LUZP2: variants seen among roughly 807,000 people sequenced by gnomAD.
LUZP2 encodes leucine zipper protein 2.
In LUZP2, 52 loss-of-function variants were observed where a neutral mutation model predicts 51.6. That is an observed-to-expected ratio of 1.01 (90% confidence interval 0.81 to 1.27). The LOEUF is 1.27. Among genes scored for constraint, LUZP2 ranks in the 50% most tolerant of loss-of-function variants. The probability of loss-of-function intolerance (pLI) is 0.00; values close to 1 mark genes in which losing one functional copy is unlikely to be tolerated. For synonymous variants in LUZP2, 154 were observed against 137.3 expected (o/e 1.12, Z -0.85); for missense variants, 436 against 395.4 (o/e 1.10, Z -0.87).
chr11:24,538,891 G>A (rs187386223), intron 1 of LUZP2, among the ~76,000 whole-genome samples: 8 of 151,420 alleles, frequency 5.3e-5, no homozygotes, highest in Admixed American at 2.0e-4. Context: ...AACTCTAAAG[G>A]TTCTCACCTA....
intron 1 of LUZP2, among the ~76,000 whole-genome samples, chr11:24,516,400 TTACAGGGAC>T (rs1470453862): frequency 6.6e-6 from 1 of 152,182 alleles, no homozygotes; most frequent in Non-Finnish European, 1.5e-5. Flanking sequence ...GCCACCCAGG[TTACAGGGAC>T]TCCAGAGAAA....
intron 1 of LUZP2, among the ~76,000 whole-genome samples, chr11:24,580,948 G>GA (rs1365343865): frequency 4.0e-5 from 6 of 151,702 alleles, no homozygotes; most frequent in South Asian, 2.1e-4. Context: ...CCAAGTATAA[G>GA]AAAAAAACTA....
intron 5 of LUZP2, among the ~76,000 whole-genome samples, chr11:24,778,804 G>A (rs887548566): frequency 6.6e-6 from 1 of 152,150 alleles, no homozygotes; most frequent in African/African-American, 2.4e-5. Flanking sequence ...AAAATAAGAG[G>A]TTTGCATAAA....
intron 1 of LUZP2, among the ~76,000 whole-genome samples, chr11:24,541,113 C>G (rs1283804504): frequency 6.6e-6 from 1 of 151,532 alleles, no homozygotes; most frequent in South Asian, 2.1e-4. Flanking sequence ...ATTAGCCGGG[C>G]GTGGTGGTGG....
intron 9 of LUZP2, among the ~76,000 whole-genome samples, chr11:25,045,079 G>A: frequency 8.8e-6 from 1 of 114,090 alleles, no homozygotes; most frequent in African/African-American, 3.3e-5. Context: ...GGAGGGGAGG[G>A]GTAGCATTAG....
chr11:24,635,936 A>G (rs1855089444), intron 1 of LUZP2, among the ~76,000 whole-genome samples: 1 of 152,158 alleles, frequency 6.6e-6, no homozygotes, highest in South Asian at 2.1e-4. Flanking sequence ...GGAACTGGGG[A>G]AAAGTACTGC....
chr11:24,878,100 G>T (rs12806403), intron 5 of LUZP2, among the ~76,000 whole-genome samples: 1,430 of 96,164 alleles, frequency 0.015, 98 homozygotes, highest in East Asian at 0.041. Flanking sequence ...AATATTCTGT[G>T]TTTTTTTTTT....
At chr11:24,540,208 A>T (rs773979327) in intron 1 of LUZP2, among the ~76,000 whole-genome samples, 2 of 152,116 alleles carry the variant, frequency 1.3e-5, no homozygotes, top group Non-Finnish European at 1.5e-5. Flanking sequence ...TCTCTTTACA[A>T]TTACGACTCT....
intron 5 of LUZP2, among the ~76,000 whole-genome samples, chr11:24,805,007 C>CTTTTTTTTTTTT (rs71044307): frequency 7.1e-6 from 1 of 141,584 alleles, no homozygotes; most frequent in Non-Finnish European, 1.5e-5. Context: ...ACCCGGCTAA[C>CTTTTTTTTTTTT]TTTTTTTTTT....
intron 9 of LUZP2, among the ~76,000 whole-genome samples, chr11:24,988,392 T>C (rs1192219254): frequency 6.6e-6 from 1 of 151,966 alleles, no homozygotes; most frequent in East Asian, 1.9e-4. Flanking sequence ...TGTCTAGATA[T>C]CCCTAATCAA....
chr11:24,813,550 T>C (rs1189361737), intron 5 of LUZP2, among the ~76,000 whole-genome samples: 2 of 152,108 alleles, frequency 1.3e-5, no homozygotes, highest in Non-Finnish European at 2.9e-5. Context: ...ACTTTGAAAC[T>C]TCCAGATCTT....
At chr11:24,996,837 T>C (rs1856517417) in intron 9 of LUZP2, among the ~76,000 whole-genome samples, 1 of 152,142 alleles carries the variant, frequency 6.6e-6, no homozygotes, top group African/African-American at 2.4e-5. Context: ...TCTCATTGTT[T>C]AATTCCCATC....
chr11:24,955,534 A>C (rs966922520), intron 7 of LUZP2, among the ~76,000 whole-genome samples: 13 of 152,064 alleles, frequency 8.5e-5, no homozygotes, highest in Admixed American at 5.3e-4. Flanking sequence ...AAGAAATAAA[A>C]ATAATTTATA....
intron 1 of LUZP2, among the ~76,000 whole-genome samples, chr11:24,562,296 C>T (rs6484058): frequency 0.42 from 63,034 of 151,426 alleles, 13,575 homozygotes; most frequent in African/African-American, 0.51. Context: ...TGGTAAAGAA[C>T]AGAGAATTGA....
intron 5 of LUZP2, among the ~76,000 whole-genome samples, chr11:24,810,452 C>A (rs1849985946): frequency 6.6e-6 from 1 of 152,062 alleles, no homozygotes; most frequent in Admixed American, 6.6e-5. Context: ...GAGGGTATTC[C>A]ACATAACCTG....
intron 5 of LUZP2, among the ~76,000 whole-genome samples, chr11:24,849,925 CT>C (rs1420485559): frequency 6.6e-6 from 1 of 152,156 alleles, no homozygotes; most frequent in African/African-American, 2.4e-5. Flanking sequence ...TAAGTGTCTT[CT>C]TTTGAAAAGT....
At chr11:24,902,975 C>A (rs1034126597) in intron 5 of LUZP2, among the ~76,000 whole-genome samples, 7 of 152,114 alleles carry the variant, frequency 4.6e-5, no homozygotes, top group Non-Finnish European at 7.4e-5. Context: ...GTATATACTA[C>A]AGACACCAAC....
chr11:24,963,666 G>T (rs1237009118), intron 7 of LUZP2, among the ~76,000 whole-genome samples: 2 of 152,134 alleles, frequency 1.3e-5, no homozygotes, highest in Non-Finnish European at 2.9e-5. Flanking sequence ...GGTGCTGTCT[G>T]TCACCCCTTT....
At chr11:24,957,743 C>A (rs1286290633) in intron 7 of LUZP2, among the ~76,000 whole-genome samples, 1 of 151,932 alleles carries the variant, frequency 6.6e-6, no homozygotes, top group Admixed American at 6.6e-5. Context: ...ATGGTGAACA[C>A]AGGTTGATTT....
Sources: gnomAD v4.1 joint callset for allele counts (sites outside exome capture counted in the v4.1 genomes callset) on GRCh38, gnomAD v4.1.1 for gene constraint, MANE v1.5 for transcripts, NCBI Gene and HGNC (gene_info 2026-07-23, HGNC 2026-07-21) for gene names.